The following ANKS1B variants were observed in gnomAD, a reference collection of about 807,000 sequenced individuals.
ANKS1B encodes the protein ankyrin repeat and sterile alpha motif domain-containing protein 1B.
ANKS1B carries 36 observed loss-of-function variants against 148.3 expected under a neutral mutation model. The observed-to-expected ratio is 0.24, with a 90% CI of 0.19 to 0.32. ANKS1B has a LOEUF of 0.32. Among genes scored for constraint, ANKS1B ranks in the 10% least tolerant of loss-of-function variants. ANKS1B has a pLI of 1.00. For missense variants in ANKS1B, 1,157 were observed against 1,542.6 expected (o/e 0.75, Z 4.19); for synonymous variants, 542 against 560.8 (o/e 0.97, Z 0.47).
At chr12:99,472,233 T>G (rs2096252951) in intron 10 of ANKS1B, among the ~76,000 whole-genome samples, 1 of 152,134 alleles carries the variant, frequency 6.6e-6, no homozygotes, top group African/African-American at 2.4e-5. Flanking sequence ...TTAAATATCC[T>G]GCCGGACCTA....
intron 17 of ANKS1B, chr12:98,931,855 G>C (rs551933423): frequency 6.6e-6 from 1 of 152,190 alleles, no homozygotes; most frequent in Admixed American, 6.6e-5. Context: ...AAAGCCTAAG[G>C]AGGCACTTTT....
intron 8 of ANKS1B, among the ~76,000 whole-genome samples, chr12:99,663,372 T>TA (rs1448436382): frequency 3.9e-5 from 6 of 152,136 alleles, no homozygotes; most frequent in African/African-American, 1.4e-4. Context: ...ACCCTACTGT[T>TA]AAATACGTTT....
intron 17 of ANKS1B, among the ~76,000 whole-genome samples, chr12:98,961,733 T>TA (rs2099871774): frequency 6.6e-6 from 1 of 152,036 alleles, no homozygotes; most frequent in South Asian, 2.1e-4. Context: ...AACAAAAAGT[T>TA]AAAAAGTATG....
chr12:99,908,050 A>C (rs911373812), intron 1 of ANKS1B, among the ~76,000 whole-genome samples: 6 of 152,186 alleles, frequency 3.9e-5, no homozygotes, highest in African/African-American at 1.4e-4. Flanking sequence ...TAGCATCCTA[A>C]GTGGGAACAT....
intron 17 of ANKS1B, among the ~76,000 whole-genome samples, chr12:99,026,086 A>C (rs1207523190): frequency 6.6e-6 from 1 of 152,192 alleles, no homozygotes; most frequent in African/African-American, 2.4e-5. Flanking sequence ...ACCATATTAC[A>C]CTAGTTTAGT....
chr12:99,442,179 T>C (rs2095560119), intron 11 of ANKS1B, among the ~76,000 whole-genome samples: 1 of 151,786 alleles, frequency 6.6e-6, no homozygotes, highest in African/African-American at 2.4e-5. Flanking sequence ...ATAGACCCCA[T>C]CAAATTTCCT....
intron 17 of ANKS1B, among the ~76,000 whole-genome samples, chr12:98,968,549 T>C (rs2099880571): frequency 1.3e-5 from 2 of 152,154 alleles, no homozygotes; most frequent in Non-Finnish European, 2.9e-5. Context: ...GGTTTCCTTT[T>C]GTACTTTAGA....
At chr12:99,613,058 G>A (rs1000704986) in intron 9 of ANKS1B, among the ~76,000 whole-genome samples, 1 of 152,080 alleles carries the variant, frequency 6.6e-6, no homozygotes, top group Non-Finnish European at 1.5e-5. Flanking sequence ...CTTGAACTGG[G>A]AGAAACCTCT....
At chr12:99,411,652 T>A (rs539879132) in intron 11 of ANKS1B, among the ~76,000 whole-genome samples, 1 of 152,366 alleles carries the variant, frequency 6.6e-6, no homozygotes, top group African/African-American at 2.4e-5. Flanking sequence ...ACTGTCCCAA[T>A]ACCATTATTT....
intron 9 of ANKS1B, among the ~76,000 whole-genome samples, chr12:99,577,432 A>C (rs908666410): frequency 2.0e-5 from 3 of 151,770 alleles, no homozygotes; most frequent in African/African-American, 7.2e-5. Context: ...CTAAAGATCA[A>C]CAAGACCAAA....
At chr12:98,773,226 C>T in intron 24 of ANKS1B, 47 bp from the exon 25 acceptor site, 1 of 1,548,334 alleles carries the variant, frequency 6.5e-7, no homozygotes, top group Non-Finnish European at 8.7e-7. Context: ...TGCGAACCAG[C>T]ATATATGACA....
chr12:99,968,398 T>C (rs1401791870), intron 1 of ANKS1B, among the ~76,000 whole-genome samples: 1 of 151,242 alleles, frequency 6.6e-6, no homozygotes, highest in African/African-American at 2.4e-5. Context: ...CTACTAAAAA[T>C]ACAAAAAAAA....
At chr12:99,515,617 C>G (rs1338356951) in intron 9 of ANKS1B, among the ~76,000 whole-genome samples, 1 of 152,012 alleles carries the variant, frequency 6.6e-6, no homozygotes, top group Non-Finnish European at 1.5e-5. Context: ...CTATTGTAAA[C>G]AGTGCTGCAA....
At chr12:99,326,520 C>A (rs1481137452) in intron 12 of ANKS1B, among the ~76,000 whole-genome samples, 2 of 151,986 alleles carry the variant, frequency 1.3e-5, no homozygotes, top group Non-Finnish European at 2.9e-5. Flanking sequence ...GTTTTTGAAT[C>A]TTAAAAATTC....
At chr12:99,577,292 CAAATAAATAAATAAATAAAT>C (rs71303566) in intron 9 of ANKS1B, among the ~76,000 whole-genome samples, 2,019 of 144,740 alleles carry the variant, frequency 0.014, 52 homozygotes, top group African/African-American at 0.048. Flanking sequence ...CTGTTCACAT[CAAATAAATAAATAAATAAAT>C]AAATAAATAA....
intron 9 of ANKS1B, among the ~76,000 whole-genome samples, chr12:99,550,892 G>A (rs1053708250): frequency 1.3e-5 from 2 of 152,142 alleles, no homozygotes; most frequent in African/African-American, 2.4e-5. Context: ...TGGTCTTGCT[G>A]CTTATCCTTG....
intron 9 of ANKS1B, among the ~76,000 whole-genome samples, chr12:99,543,752 G>T (rs2097148436): frequency 6.6e-6 from 1 of 151,908 alleles, no homozygotes; most frequent in East Asian, 1.9e-4. Context: ...AAAACAGATA[G>T]AAAAGGCCAC....
chr12:99,919,409 A>G (rs1295187429), intron 1 of ANKS1B, among the ~76,000 whole-genome samples: 1 of 152,216 alleles, frequency 6.6e-6, no homozygotes, highest in African/African-American at 2.4e-5. Context: ...TTATTAATTA[A>G]TTCATGTTTA....
intron 22 of ANKS1B, among the ~76,000 whole-genome samples, chr12:98,788,622 C>T (rs1157878015): frequency 6.6e-6 from 1 of 152,190 alleles, no homozygotes; most frequent in African/African-American, 2.4e-5. Context: ...ATTGTACTGC[C>T]TGTGTAACTC....
Sources: gnomAD v4.1 joint callset for allele counts (sites outside exome capture counted in the v4.1 genomes callset) on GRCh38, gnomAD v4.1.1 for gene constraint, MANE v1.5 for transcripts, NCBI Gene and HGNC (gene_info 2026-07-23, HGNC 2026-07-21) for gene names.